ANKRD30A: variants seen among roughly 807,000 people sequenced by gnomAD.
The protein encoded by ANKRD30A is ankyrin repeat domain-containing protein 30A.
ANKRD30A carries 170 observed loss-of-function variants against 166.3 expected under a neutral mutation model. That is an observed-to-expected ratio of 1.02 (90% CI 0.90 to 1.16). ANKRD30A has a LOEUF of 1.16. Ranked by LOEUF, ANKRD30A falls within the 50% of genes most tolerant of loss-of-function variation. The probability of loss-of-function intolerance (pLI) is 0.00; values close to 1 mark genes in which losing one functional copy is unlikely to be tolerated. For synonymous variants in ANKRD30A, 564 were observed against 508.9 expected (o/e 1.11, Z -1.46); for missense variants, 1,630 against 1,518.0 (o/e 1.07, Z -1.23).
chr10:37,129,687 G>A (rs1330590766), intron 1 of ANKRD30A, among the ~76,000 whole-genome samples: 1 of 152,126 alleles, frequency 6.6e-6, no homozygotes, highest in African/African-American at 2.4e-5. Flanking sequence ...CAAAGGCCAA[G>A]CTCTTTCTAT....
intron 13 of ANKRD30A, among the ~76,000 whole-genome samples, chr10:37,155,748 G>T (rs17590610): frequency 2.4e-4 from 37 of 152,184 alleles, no homozygotes; most frequent in African/African-American, 6.5e-4. Context: ...TACAGCAACT[G>T]TTTAGTTTTT....
chr10:37,136,350 G>A (rs1836682563), intron 5 of ANKRD30A, among the ~76,000 whole-genome samples: 1 of 152,108 alleles, frequency 6.6e-6, no homozygotes, highest in Non-Finnish European at 1.5e-5. Flanking sequence ...TTTCCATTAA[G>A]CCAAGCTAAC....
chr10:37,161,720 T>C lies in ANKRD30A; in HGVS notation c.1901-929T>C, dbSNP rs191034603. Among the ~76,000 whole-genome samples the C allele has an allele frequency of 1.2e-3, 185 of 152,298 alleles. 2 individuals carry two copies. The highest frequency in any genetic ancestry group is 4.3e-3 in the African/African-American group (178 of 41,552). ...CTGTTACAATCAGGGAAGACAAATA[T>C]ATATTTTGTTGCTGTTCGCTATACA... is the stretch of plus-strand genomic sequence containing the variant. On this transcript the variant is annotated intron_variant, in intron 15 of 35. Coordinates refer to ENST00000361713, the MANE Select transcript of ANKRD30A (RefSeq NM_052997.3).
chr10:37,156,211 C>T (rs1838369934), intron 13 of ANKRD30A, among the ~76,000 whole-genome samples: 1 of 152,072 alleles, frequency 6.6e-6, no homozygotes, highest in African/African-American at 2.4e-5. Context: ...GTATGTCCTA[C>T]TTCATGCTAT....
chr10:37,209,076 A>T (rs1048212382), intron 31 of ANKRD30A, among the ~76,000 whole-genome samples: 2 of 152,110 alleles, frequency 1.3e-5, no homozygotes, highest in African/African-American at 4.8e-5. Context: ...TTATACACTC[A>T]TCTTTCTAAG....
chr10:37,148,946 TTATAA>T (rs1398893166), intron 9 of ANKRD30A, among the ~76,000 whole-genome samples: 1 of 151,968 alleles, frequency 6.6e-6, no homozygotes, highest in Non-Finnish European at 1.5e-5. Flanking sequence ...TGTGGTGACT[TTATAA>T]TATAAAAAGT....
chr10:37,127,824 G>C (rs1362432698), intron 1 of ANKRD30A, among the ~76,000 whole-genome samples: 1 of 129,570 alleles, frequency 7.7e-6, no homozygotes, highest in African/African-American at 2.7e-5. Context: ...AGTTGCAGAT[G>C]ACTTTTCAAA....
chr10:37,255,486 G>A, the ANKRD30A span, among the ~76,000 whole-genome samples: 6 of 152,172 alleles, frequency 3.9e-5, no homozygotes, highest in Non-Finnish European at 5.9e-5. Flanking sequence ...AAAAGCATAT[G>A]TAATAAGCTT....
At chr10:37,199,299 A>G (rs576927771) in intron 29 of ANKRD30A, among the ~76,000 whole-genome samples, 2 of 152,232 alleles carry the variant, frequency 1.3e-5, no homozygotes, top group South Asian at 4.1e-4. Context: ...TTGATAAATC[A>G]TCTTTTTTGA....
At chr10:37,159,651 T>C (rs1838686283) in intron 15 of ANKRD30A, among the ~76,000 whole-genome samples, 1 of 152,204 alleles carries the variant, frequency 6.6e-6, no homozygotes, top group East Asian at 1.9e-4. Context: ...GAATTTGTTT[T>C]CATGTCTTAA....
intron 24 of ANKRD30A, among the ~76,000 whole-genome samples, chr10:37,183,213 A>G (rs1162645993): frequency 1.3e-5 from 2 of 148,948 alleles, no homozygotes; most frequent in South Asian, 4.4e-4. Context: ...TCCAATACGC[A>G]TTACAACTGT....
intron 24 of ANKRD30A, among the ~76,000 whole-genome samples, chr10:37,183,964 CG>C (rs1840226788): frequency 1.3e-5 from 2 of 151,410 alleles, no homozygotes; most frequent in Admixed American, 1.3e-4. Context: ...CTGACTAACA[CG>C]GTGAAACCCT....
intron 32 of ANKRD30A, among the ~76,000 whole-genome samples, chr10:37,216,788 A>G (rs1411938426): frequency 6.6e-6 from 1 of 151,184 alleles, no homozygotes; most frequent in Non-Finnish European, 1.5e-5. Context: ...GTTAAGTTAT[A>G]GGAAGTTTTT....
At chr10:37,136,496 GT>G in intron 5 of ANKRD30A, 110 bp from the exon 6 acceptor site, 1 of 529,958 alleles carries the variant, frequency 1.9e-6, no homozygotes, top group Non-Finnish European at 3.4e-6. Context: ...ATGTTCTGAT[GT>G]TAGTTCTGAT....
At chr10:37,193,611 T>A (rs1406111897) in intron 27 of ANKRD30A, among the ~76,000 whole-genome samples, 2 of 152,098 alleles carry the variant, frequency 1.3e-5, no homozygotes, top group Admixed American at 6.6e-5. Context: ...TGATGTTTAC[T>A]TAGAAGAAAG....
intron 11 of ANKRD30A, among the ~76,000 whole-genome samples, chr10:37,151,564 G>A (rs1837939191): frequency 6.6e-6 from 1 of 152,000 alleles, no homozygotes; most frequent in Admixed American, 6.6e-5. Context: ...AAATGTAAAA[G>A]GATTGGACAT....
At chr10:37,225,962 T>C (rs760132240) in intron 34 of ANKRD30A, among the ~76,000 whole-genome samples, 1 of 151,892 alleles carries the variant, frequency 6.6e-6, no homozygotes, top group Non-Finnish European at 1.5e-5. Flanking sequence ...CAGTTTCCCA[T>C]TCCTTGCTCA....
At chr10:37,236,143 G>A (rs1009838764), downstream of ANKRD30A, among the ~76,000 whole-genome samples, 1 of 152,228 alleles carries the variant, frequency 6.6e-6, no homozygotes, top group Admixed American at 6.5e-5. Context: ...ACAAAGTCAA[G>A]GAAGTAGGAA....
chr10:37,142,014 A>T lies in ANKRD30A; in HGVS notation c.1117A>T (p.Thr373Ser). ...SPAKETSEKF[T>S]WPAKGRPRKI... ...TGCAAAAGAAACATCTGAGAAATTT[A>T]CGTGGCCAGCAAAAGGAAGACCTAG... Residue 373 changes from threonine (T) to serine (S), a missense_variant, in exon 7 of 36, where the codon ACG becomes TCG. Around this residue, in one of 4 missense-constraint regions of ANKRD30A, gnomAD observed 904 missense variants for 818.5 expected, o/e 1.10. Transcript: ENST00000361713. The T allele has an allele frequency of 6.2e-7, 1 of 1,603,528 alleles. No homozygotes were observed. Among genetic ancestry groups the T allele is most frequent in the Non-Finnish European group, 8.5e-7 (1 of 1,175,698 alleles).
Sources: allele counts gnomAD v4.1 joint callset (sites outside exome capture counted in the v4.1 genomes callset), GRCh38; gene constraint gnomAD v4.1.1; regional missense constraint gnomAD v4.1.1; transcripts MANE v1.5; gene names NCBI Gene and HGNC (gene_info 2026-07-23, HGNC 2026-07-21).